CEP72: variants seen among roughly 807,000 people sequenced by gnomAD.
CEP72 encodes the protein centrosomal protein of 72 kDa.
CEP72 carries 78 observed loss-of-function variants against 65.7 expected under a neutral mutation model. That is an observed-to-expected ratio of 1.19 (90% CI 0.99 to 1.43). The LOEUF (loss-of-function observed/expected upper bound fraction) is 1.43. CEP72 is among the 40% of genes most tolerant of loss of function. The probability of loss-of-function intolerance (pLI) is 0.00; values close to 1 mark genes in which losing one functional copy is unlikely to be tolerated. For missense variants in CEP72, 914 were observed against 832.9 expected, an observed-to-expected ratio of 1.10 and a Z score of -1.20; for synonymous variants, 358 against 351.7, an observed-to-expected ratio of 1.02 and a Z score of -0.20.
intron 4 of CEP72, among the ~76,000 whole-genome samples, chr5:629,332 G>C (rs1454433057): frequency 6.6e-6 from 1 of 152,282 alleles, no homozygotes; most frequent in Non-Finnish European, 1.5e-5. Flanking sequence ...GATGTGCTAG[G>C]AAAAGTGTAA....
intron 2 of CEP72, among the ~76,000 whole-genome samples, 177 bp downstream of exon 2, chr5:619,294 G>A (rs921935786): frequency 6.6e-6 from 1 of 152,224 alleles, no homozygotes; most frequent in Non-Finnish European, 1.5e-5. Context: ...ACGTTACGTT[G>A]TGTTGTCGCC....
the CEP72 span, among the ~76,000 whole-genome samples, chr5:674,287 G>A: frequency 6.6e-6 from 1 of 152,222 alleles, no homozygotes; most frequent in Non-Finnish European, 1.5e-5. Context: ...AGCTGCCAGG[G>A]CCCAGGAGCA....
chr5:619,766 G>A (rs1036921463), intron 2 of CEP72, among the ~76,000 whole-genome samples: 2 of 152,190 alleles, frequency 1.3e-5, no homozygotes, highest in African/African-American at 4.8e-5. Flanking sequence ...CCTGTAGGGC[G>A]GCGTGTGGAT....
rs917436281 is a variant in CEP72, at chr5:653,328, G to C, written c.*175G>C. On this transcript the variant is annotated 3_prime_UTR_variant, in exon 12 of 12. Coordinates refer to ENST00000264935, the MANE Select transcript of CEP72 (RefSeq NM_018140.4). Reference sequence around the variant, plus strand: ...GTAGCTTGGTTTTCTAAAGCACCTCGTAAAATGATATGATTACTCCAAGCC... The same window carrying C: ...GTAGCTTGGTTTTCTAAAGCACCTCCTAAAATGATATGATTACTCCAAGCC... 1 of 551,944 alleles carries C rather than the reference G, an allele frequency of 1.8e-6. No individual in the cohort carries two copies. Among genetic ancestry groups the C allele is most frequent in the Non-Finnish European group, 3.1e-6 (1 of 327,474 alleles). 34.2% of individuals were successfully genotyped at this position (551,944 alleles called of 1,614,324 possible).
chr5:617,886 A>T (rs1238294054), intron 1 of CEP72, among the ~76,000 whole-genome samples: 1 of 152,202 alleles, frequency 6.6e-6, no homozygotes, highest in Non-Finnish European at 1.5e-5. Context: ...AAAAAAACCA[A>T]AACATATTCT....
In CEP72 at chr5:653,337, T is replaced by A; in HGVS notation, c.*184T>A. ...TTTTCTAAAGCACCTCGTAAAATGA[T>A]ATGATTACTCCAAGCCCTCTGCATG... is the stretch of plus-strand genomic sequence containing the variant. On this transcript the variant is annotated 3_prime_UTR_variant, in exon 12 of 12. Transcript: ENST00000264935. 1.9e-6 allele frequency: 1 copy of A among 534,404 alleles called. No individual in the cohort carries two copies. Among genetic ancestry groups the A allele is most frequent in the Non-Finnish European group, 3.2e-6 (1 of 311,998 alleles). The allele number at this position is 534,404 out of a possible 1,614,324, so 33.1% of individuals were successfully genotyped here. A position where few individuals can be genotyped will look rare whatever the true frequency, so the allele number is the denominator to read the frequency against.
downstream of CEP72, among the ~76,000 whole-genome samples, chr5:668,479 C>T (rs371695690): frequency 5.9e-5 from 9 of 152,194 alleles, no homozygotes; most frequent in Admixed American, 1.3e-4. Flanking sequence ...GCCGCGTGGG[C>T]GCCGTCAGGG....
downstream of CEP72, among the ~76,000 whole-genome samples, chr5:654,333 C>CTG (rs34134289): frequency 0.39 from 57,359 of 148,668 alleles, 10,827 homozygotes; most frequent in East Asian, 0.45. Context: ...TGTGTGTGCG[C>CTG]TGTGTGTGCG....
chr5:652,094 A>C (rs1480760919), intron 11 of CEP72, among the ~76,000 whole-genome samples: 1 of 152,190 alleles, frequency 6.6e-6, no homozygotes, highest in African/African-American at 2.4e-5. Context: ...CCGCGGGTGC[A>C]GTGCCCAGTC....
At position 665,194 on chromosome 5, in the gene CEP72, C is replaced by T; in HGVS notation, n.302C>T. ...TCGTCCACCAGATCCACGCGGCCAG[C>T]CTTGCCCTTGCCCTTGCCAGAGGGG... On this transcript the variant is annotated non_coding_transcript_exon_variant, in exon 3 of 5. Transcript: ENST00000514507. 4 of 1,611,278 alleles carry T rather than the reference C, an allele frequency of 2.5e-6. No individual in the cohort carries two copies. In the East Asian group the frequency reaches 6.7e-5, roughly 27 times the overall value.
chr5:642,712 C>T, intron 9 of CEP72: 1 of 985,434 alleles, frequency 1.0e-6, no homozygotes, highest in Non-Finnish European at 1.2e-6. Context: ...GGTGAGTGAT[C>T]CAGAAGAATC....
chr5:672,010 C>G (rs2126885137), downstream of CEP72, among the ~76,000 whole-genome samples: 1 of 152,348 alleles, frequency 6.6e-6, no homozygotes, highest in Non-Finnish European at 1.5e-5. Context: ...ACGTCACACA[C>G]AGTGCTCTGA....
At chr5:668,894 C>T (rs1045694711), downstream of CEP72, among the ~76,000 whole-genome samples, 8 of 152,162 alleles carry the variant, frequency 5.3e-5, no homozygotes, top group South Asian at 1.5e-3. Context: ...TGCCAAGTGG[C>T]CAGGCTTGGA....
At chr5:642,758 C>T (rs1352061084) in intron 9 of CEP72, 12 of 985,376 alleles carry the variant, frequency 1.2e-5, no homozygotes, top group Non-Finnish European at 1.4e-5. Context: ...GAGCAGTCAG[C>T]ACCGTCAGGA....
rs993290056 is a variant in CEP72, at chr5:641,134, C to T, written c.1539+530C>T. On this transcript the variant is annotated intron_variant, in intron 9 of 11. Transcript: ENST00000264935. The stretch of plus-strand genomic sequence containing the variant: ...TTCCGTCTCAGCCGTGGGCCGGGGC[C>T]GCCGTCTCATCTGAGGCCTCATGGG... 15 of 984,854 alleles carry T rather than the reference C, an allele frequency of 1.5e-5. No homozygotes were observed. In the East Asian group the frequency reaches 3.4e-4, roughly 22 times the overall value. 61.0% of individuals were successfully genotyped at this position (984,854 alleles called of 1,614,324 possible). A position where few individuals can be genotyped will look rare whatever the true frequency, so the allele number is the denominator to read the frequency against.
chr5:675,984 C>T, the CEP72 span: 44 of 152,206 alleles, frequency 2.9e-4, no homozygotes, highest in African/African-American at 9.6e-4. Context: ...AGCTCGCACC[C>T]GGGGCCCTGG....
At chr5:655,047 T>A (rs1474381014), downstream of CEP72, among the ~76,000 whole-genome samples, 1 of 152,220 alleles carries the variant, frequency 6.6e-6, no homozygotes, top group Non-Finnish European at 1.5e-5. The surrounding 1 kb of genome is among the most constrained non-coding windows in gnomAD (Gnocchi z 5.0). Flanking sequence ...ATATCAGAAA[T>A]TAGGTATATT....
chr5:633,682 G>A (rs1384819054), intron 4 of CEP72, 87 bp from the exon 5 acceptor site: 14 of 1,297,482 alleles, frequency 1.1e-5, no homozygotes, highest in South Asian at 3.9e-5. Flanking sequence ...CTCAGAGACC[G>A]TGCAGGAATT....
intron 5 of CEP72, among the ~76,000 whole-genome samples, chr5:634,367 G>A (rs886471571): frequency 2.0e-5 from 3 of 152,220 alleles, no homozygotes; most frequent in Non-Finnish European, 2.9e-5. Flanking sequence ...CGGAGACTCC[G>A]TTGCCCGGTG....
Sources: allele counts gnomAD v4.1 joint callset (sites outside exome capture counted in the v4.1 genomes callset), GRCh38; gene constraint gnomAD v4.1.1; non-coding constraint Gnocchi (gnomAD v3.1); transcripts MANE v1.5; gene names NCBI Gene and HGNC (gene_info 2026-07-23, HGNC 2026-07-21).